LRP1B: variants seen among roughly 807,000 people sequenced by gnomAD.
The protein encoded by LRP1B is LDL receptor related protein 1B, also known as low-density lipoprotein receptor-related protein 1B.
A neutral mutation model predicts 556.6 loss-of-function variants in LRP1B; 217 were observed. The ratio of observed to expected loss-of-function variants is 0.39; its 90% CI spans 0.35 to 0.44. The LOEUF (loss-of-function observed/expected upper bound fraction) is 0.44. LRP1B is among the 20% of genes least tolerant of loss of function. LRP1B has a pLI of 1.00. For synonymous variants in LRP1B, 2,047 were observed against 1,865.8 expected, an observed-to-expected ratio of 1.10 and a Z score of -2.50; for missense variants, 5,053 against 5,620.8, an observed-to-expected ratio of 0.90 and a Z score of 3.23.
At chr2:141,469,877 A>C (rs1245028697) in intron 3 of LRP1B, among the ~76,000 whole-genome samples, 1 of 152,192 alleles carries the variant, frequency 6.6e-6, no homozygotes, top group African/African-American at 2.4e-5. Context: ...ATAGGTAAAT[A>C]TAGTACAATA....
chr2:141,797,353 C>G (rs1347923841), intron 2 of LRP1B, among the ~76,000 whole-genome samples: 2 of 151,358 alleles, frequency 1.3e-5, no homozygotes, highest in African/African-American at 4.9e-5. Flanking sequence ...CTTAAGGATT[C>G]TAACAGTGTC....
chr2:140,491,497 G>T (rs1359909189), intron 57 of LRP1B, among the ~76,000 whole-genome samples: 2 of 152,020 alleles, frequency 1.3e-5, no homozygotes, highest in Non-Finnish European at 2.9e-5. Flanking sequence ...TAGAAGGGCT[G>T]TGAAGTCATA....
intron 20 of LRP1B, among the ~76,000 whole-genome samples, chr2:140,941,829 A>C (rs1438634363): frequency 6.6e-6 from 1 of 152,172 alleles, no homozygotes; most frequent in East Asian, 1.9e-4. Flanking sequence ...AAAAAGAAGC[A>C]CCAGCTCCAT....
chr2:141,408,025 T>A (rs1346673904), intron 3 of LRP1B, among the ~76,000 whole-genome samples: 1 of 152,164 alleles, frequency 6.6e-6, no homozygotes, highest in Non-Finnish European at 1.5e-5. Flanking sequence ...AGCCTGGTTT[T>A]CAGGAGAAAT....
chr2:140,649,358 T>C (rs773047912), intron 41 of LRP1B, among the ~76,000 whole-genome samples: 1 of 152,172 alleles, frequency 6.6e-6, no homozygotes, highest in Non-Finnish European at 1.5e-5. Flanking sequence ...CCTAGCACTA[T>C]TATGCTTTAT....
chr2:141,516,607 A>C (rs1304425564), intron 2 of LRP1B, among the ~76,000 whole-genome samples: 1 of 151,830 alleles, frequency 6.6e-6, no homozygotes, highest in Non-Finnish European at 1.5e-5. Context: ...GGGAGCCATG[A>C]TTGCACCACT....
At chr2:140,418,911 T>C (rs1056092245) in intron 66 of LRP1B, among the ~76,000 whole-genome samples, 1 of 150,108 alleles carries the variant, frequency 6.7e-6, no homozygotes, top group African/African-American at 2.4e-5. Context: ...GCTGCTGTCA[T>C]AGTGTGTAAG....
At chr2:141,160,977 G>A (rs932955856) in intron 7 of LRP1B, among the ~76,000 whole-genome samples, 3 of 151,920 alleles carry the variant, frequency 2.0e-5, no homozygotes, top group African/African-American at 7.2e-5. Flanking sequence ...ATTTACTATG[G>A]CTTTGTAAAA....
chr2:140,514,521 A>G, intron 51 of LRP1B, 132 bp downstream of exon 51: 1 of 650,690 alleles, frequency 1.5e-6, no homozygotes, highest in Non-Finnish European at 2.3e-6. Flanking sequence ...AATAATAAAA[A>G]CAGCTACCTA....
chr2:140,908,044 C>T lies in LRP1B; in HGVS notation c.3353G>A (p.Gly1118Glu), dbSNP rs1409864085. The stretch of plus-strand genomic sequence containing the variant: ...TGACTGATCTTCGCAATCAATATCT[C>T]CATCACACACCCATGCTTTGTTGAT... ...RCINKAWVCD[G>E]DIDCEDQSDE... is the part of the protein sequence containing the mutation. The change falls in exon 22 of 91, where the codon GGA becomes GAA. Residue 1118 changes from glycine to glutamate, a missense_variant. Physicochemically the swap from Gly to Glu is moderately conservative, Grantham distance 98. Coordinates refer to ENST00000389484, the MANE Select transcript of LRP1B (RefSeq NM_018557.3). 6.2e-7 allele frequency: 1 copy of T among 1,613,326 alleles called. No individual in the cohort carries two copies. Among genetic ancestry groups the T allele is most frequent in the African/African-American group, 1.3e-5 (1 of 74,954 alleles).
chr2:140,701,136 C>T (rs1021027356), intron 40 of LRP1B, among the ~76,000 whole-genome samples: 5 of 152,046 alleles, frequency 3.3e-5, no homozygotes, highest in Non-Finnish European at 5.9e-5. Flanking sequence ...GTCTAATTCT[C>T]CTTTGTGAAT....
intron 1 of LRP1B, among the ~76,000 whole-genome samples, chr2:141,816,136 G>A (rs112755859): frequency 6.6e-6 from 1 of 152,050 alleles, no homozygotes; most frequent in South Asian, 2.1e-4. Context: ...AATTCTTTGG[G>A]AAAATCTCAG....
At chr2:141,420,946 C>A (rs1680112939) in intron 3 of LRP1B, among the ~76,000 whole-genome samples, 1 of 152,186 alleles carries the variant, frequency 6.6e-6, no homozygotes, top group Non-Finnish European at 1.5e-5. Context: ...TTGGAGTGTT[C>A]TACCCTGATG....
intron 2 of LRP1B, among the ~76,000 whole-genome samples, chr2:141,613,833 G>T (rs78625758): frequency 0.02 from 3,047 of 152,056 alleles, 101 homozygotes; most frequent in African/African-American, 0.07. Flanking sequence ...AGCACTTTGG[G>T]AGGCCAAGGC....
At chr2:140,279,924 C>T (rs1370120390) in intron 84 of LRP1B, among the ~76,000 whole-genome samples, 3 of 151,822 alleles carry the variant, frequency 2.0e-5, no homozygotes, top group Non-Finnish European at 4.4e-5. Flanking sequence ...AAGATAGATA[C>T]ATATTTTCTT....
chr2:140,758,853 TTTA>T (rs1559101121), intron 35 of LRP1B, among the ~76,000 whole-genome samples: 1 of 152,086 alleles, frequency 6.6e-6, no homozygotes, highest in African/African-American at 2.4e-5. Context: ...TCTTAGCTCT[TTTA>T]TTCTCTATTA....
At chr2:142,111,020 T>C (rs1007853741) in intron 1 of LRP1B, among the ~76,000 whole-genome samples, 1 of 152,168 alleles carries the variant, frequency 6.6e-6, no homozygotes, top group African/African-American at 2.4e-5. Flanking sequence ...TTTCAGTTTT[T>C]ATATGTAGTT....
At chr2:141,216,094 G>C (rs959009065) in intron 6 of LRP1B, among the ~76,000 whole-genome samples, 1 of 152,144 alleles carries the variant, frequency 6.6e-6, no homozygotes, top group Admixed American at 6.5e-5. Context: ...ACATAGGAGG[G>C]AAGAATGGTT....
intron 20 of LRP1B, among the ~76,000 whole-genome samples, chr2:140,923,894 G>A (rs1486627865): frequency 1.3e-5 from 2 of 152,026 alleles, no homozygotes; most frequent in East Asian, 3.9e-4. Flanking sequence ...TAAATGTTGG[G>A]ATACAGATGT....
Sources: gnomAD v4.1 joint callset for allele counts (sites outside exome capture counted in the v4.1 genomes callset) on GRCh38, gnomAD v4.1.1 for gene constraint, MANE v1.5 for transcripts, NCBI Gene and HGNC (gene_info 2026-07-23, HGNC 2026-07-21) for gene names.